The following ANO5 variants were observed in gnomAD, a reference collection of about 807,000 sequenced individuals.
The protein encoded by ANO5 is anoctamin-5.
A neutral mutation model predicts 121.0 loss-of-function variants in ANO5; 109 were observed. The ratio of observed to expected loss-of-function variants is 0.90; its 90% confidence interval spans 0.77 to 1.06. The LOEUF (loss-of-function observed/expected upper bound fraction) is 1.06, where lower values mean the gene tolerates loss of function less well. ANO5 is among the 50% of genes least tolerant of loss of function. ANO5 has a pLI of 0.00. For synonymous variants in ANO5, 406 were observed against 359.9 expected (o/e 1.13, Z -1.45); for missense variants, 1,064 against 1,078.5 (o/e 0.99, Z 0.19).
chr11:22,214,947 T>C (rs1381128857), intron 3 of ANO5, among the ~76,000 whole-genome samples: 2 of 151,934 alleles, frequency 1.3e-5, no homozygotes, highest in African/African-American at 4.8e-5. Flanking sequence ...TGAAACAAAA[T>C]AGTGAAAAGT....
At chr11:22,272,738 T>A in intron 18 of ANO5, 46 bp from the exon 19 acceptor site, 3 of 1,565,642 alleles carry the variant, frequency 1.9e-6, no homozygotes, top group Non-Finnish European at 2.6e-6. Context: ...GTTCCTGTCT[T>A]TCTCCTTCAC....
chr11:22,219,110 A>G (rs1852556635), intron 4 of ANO5, among the ~76,000 whole-genome samples: 1 of 152,100 alleles, frequency 6.6e-6, no homozygotes, highest in African/African-American at 2.4e-5. Flanking sequence ...ACTGATTTTT[A>G]TTAGTAGTCC....
chr11:22,213,125 C>A (rs1852333322), intron 3 of ANO5, among the ~76,000 whole-genome samples: 1 of 151,466 alleles, frequency 6.6e-6, no homozygotes, highest in Admixed American at 6.6e-5. Context: ...GTTTCTTATA[C>A]CCCACACTGA....
In ANO5 at chr11:22,203,792, T is replaced by C; in HGVS notation, c.41-12T>C. On this transcript the variant is annotated splice_polypyrimidine_tract_variant and intron_variant, in intron 1 of 21. Coordinates refer to ENST00000324559, the MANE Select transcript of ANO5 (RefSeq NM_213599.3). ...TAATTTAACATGTTTTTCTCTTTCT[T>C]ATTTAATTTAGGGGAAAAAGTCAAT... 2 of 1,445,574 alleles carry C rather than the reference T, an allele frequency of 1.4e-6. No individual in the cohort carries two copies. Among genetic ancestry groups the C allele is most frequent in the Non-Finnish European group, 1.9e-6 (2 of 1,033,844 alleles). 89.5% of individuals were successfully genotyped at this position (1,445,574 alleles called of 1,614,324 possible).
rs138366642 is a variant in ANO5, at chr11:22,275,880, T to C, written c.2415-214T>C. ...CAAGAGAGAAGTTCCTCTTGTGTAT[T>C]TCTTCTTAGATCTATTTTGCACATA... On this transcript the variant is annotated intron_variant, in intron 20 of 21. Transcript: ENST00000324559. 9.1e-4 allele frequency among the ~76,000 whole-genome samples: 138 copies of C among 151,852 alleles called. 3 individuals are homozygous for C. The East Asian group carries it at 0.026, about 28-fold the overall frequency.
chr11:22,248,554 T>A (rs1853697784), intron 9 of ANO5, among the ~76,000 whole-genome samples: 1 of 152,076 alleles, frequency 6.6e-6, no homozygotes, highest in Non-Finnish European at 1.5e-5. Flanking sequence ...TCGTTGTTAA[T>A]CTGTTACTGT....
At chr11:22,270,799 A>G (rs1033641404) in intron 18 of ANO5, among the ~76,000 whole-genome samples, 1 of 152,154 alleles carries the variant, frequency 6.6e-6, no homozygotes, top group Non-Finnish European at 1.5e-5. Flanking sequence ...CAAAGATAGA[A>G]TAAGTAGCCT....
intron 18 of ANO5, among the ~76,000 whole-genome samples, chr11:22,271,295 G>A (rs995796382): frequency 4.6e-5 from 7 of 152,124 alleles, no homozygotes; most frequent in East Asian, 1.9e-4. Flanking sequence ...TGATTCTCCC[G>A]CCTCGGCCTC....
At chr11:22,208,898 G>A (rs148688611) in intron 2 of ANO5, among the ~76,000 whole-genome samples, 185 of 151,826 alleles carry the variant, frequency 1.2e-3, no homozygotes, top group African/African-American at 4.0e-3. Context: ...AATAAAAACA[G>A]GCTCTACACA....
chr11:22,276,331 CAT>C (rs2133800873), intron 21 of ANO5, 132 bp downstream of exon 21: 1 of 750,138 alleles, frequency 1.3e-6, no homozygotes, highest in East Asian at 2.7e-5. Context: ...TATTTGTAGT[CAT>C]AAAAAGCACC....
At chr11:22,274,107 G>T (rs1220527803) in intron 19 of ANO5, among the ~76,000 whole-genome samples, 1 of 151,760 alleles carries the variant, frequency 6.6e-6, no homozygotes, top group Non-Finnish European at 1.5e-5. Context: ...ACCCAACTGT[G>T]AGAAATTTAC....
Position 22,193,276 on chromosome 11 carries a change from G to A in ANO5, c.-217G>A, listed in dbSNP as rs73479393. On this transcript the variant is annotated 5_prime_UTR_variant, in exon 1 of 22. Coordinates refer to ENST00000324559, the MANE Select transcript of ANO5 (RefSeq NM_213599.3). The stretch of plus-strand genomic sequence containing the variant: ...GGGTCGAGTGGAAGTACCCGCCGGA[G>A]AGGAAGGCCGGCTGGCTGTGGCGCC... 2 of 1,175,118 alleles carry A rather than the reference G, an allele frequency of 1.7e-6. No individual in the cohort carries two copies. The highest frequency in any genetic ancestry group is 2.5e-5 in the South Asian group (1 of 39,576). The allele number at this position is 1,175,118 out of a possible 1,614,324, so 72.8% of individuals were successfully genotyped here.
At chr11:22,195,757 C>T (rs1851791818) in intron 1 of ANO5, among the ~76,000 whole-genome samples, 1 of 152,092 alleles carries the variant, frequency 6.6e-6, no homozygotes, top group Non-Finnish European at 1.5e-5. Flanking sequence ...AAAAAAGGGC[C>T]TTTGTAATCT....
At chr11:22,225,959 TTC>T (rs759034458) in intron 5 of ANO5, 23 bp from the exon 6 acceptor site, 10 of 1,546,164 alleles carry the variant, frequency 6.5e-6, no homozygotes, top group Non-Finnish European at 8.9e-6. Context: ...TTCTGCATAA[TTC>T]TGTTGATTTT....
chr11:22,267,762 C>T (rs1157512160), intron 17 of ANO5, among the ~76,000 whole-genome samples: 5 of 152,144 alleles, frequency 3.3e-5, no homozygotes, highest in African/African-American at 1.2e-4. Flanking sequence ...TCCTCTCCCT[C>T]TTCTGACACT....
At chr11:22,246,154 C>T (rs1414091257) in intron 9 of ANO5, among the ~76,000 whole-genome samples, 10 of 152,104 alleles carry the variant, frequency 6.6e-5, no homozygotes. Flanking sequence ...TCTGATTCTT[C>T]TCAAGAAATA....
chr11:22,194,008 T>C (rs1182817578), intron 1 of ANO5, among the ~76,000 whole-genome samples: 2 of 152,230 alleles, frequency 1.3e-5, no homozygotes, highest in African/African-American at 4.8e-5. Flanking sequence ...CCGTTACTTA[T>C]CATGCTTTGA....
chr11:22,236,134 GAT>G (rs1253415272), intron 7 of ANO5, 27 bp from the exon 8 acceptor site: 1 of 1,416,662 alleles, frequency 7.1e-7, no homozygotes, highest in East Asian at 2.3e-5. Flanking sequence ...TCTGAGATGT[GAT>G]AGTGTCTCTT....
chr11:22,241,623 A>C (rs568951786), intron 9 of ANO5, among the ~76,000 whole-genome samples: 1 of 152,018 alleles, frequency 6.6e-6, no homozygotes, highest in South Asian at 2.1e-4. Context: ...TGCGGTTTTG[A>C]TTTGCATTTC....
Sources: gnomAD v4.1 joint callset for allele counts (sites outside exome capture counted in the v4.1 genomes callset) on GRCh38, gnomAD v4.1.1 for gene constraint, MANE v1.5 for transcripts, NCBI Gene and HGNC (gene_info 2026-07-23, HGNC 2026-07-21) for gene names.